Variants in CREM observed in about 807,000 individuals in gnomAD.
CREM encodes the protein cAMP responsive element modulator.
CREM carries 13 observed loss-of-function variants against 37.3 expected under a neutral mutation model. The observed-to-expected ratio is 0.35, with a 90% CI of 0.23 to 0.55. CREM has a LOEUF of 0.55. CREM is among the 20% of genes least tolerant of loss of function. The probability of loss-of-function intolerance (pLI) is 0.88; values close to 1 mark genes in which losing one functional copy is unlikely to be tolerated. For missense variants in CREM, 296 were observed against 362.3 expected (o/e 0.82, Z 1.49); for synonymous variants, 124 against 120.2 (o/e 1.03, Z -0.21).
At chr10:35,208,948 T>C (rs2095602717) in intron 7 of CREM, among the ~76,000 whole-genome samples, 1 of 152,244 alleles carries the variant, frequency 6.6e-6, no homozygotes, top group African/African-American at 2.4e-5. Context: ...GCTTTATTTC[T>C]ACTGTGTGTT....
intron 3 of CREM, chr10:35,158,363 G>A (rs1334034273): frequency 3.0e-5 from 7 of 234,908 alleles, no homozygotes; most frequent in Non-Finnish European, 5.9e-5. Flanking sequence ...GCAGGCTGCT[G>A]AGAAGGTTTC....
At chr10:35,154,968 T>A (rs1333417042) in intron 3 of CREM, among the ~76,000 whole-genome samples, 1 of 152,196 alleles carries the variant, frequency 6.6e-6, no homozygotes, top group Non-Finnish European at 1.5e-5. Context: ...TAAAAGTTTG[T>A]TTTTGGCTTT....
intron 3 of CREM, among the ~76,000 whole-genome samples, chr10:35,164,566 T>G (rs1319883395): frequency 6.6e-6 from 1 of 152,228 alleles, no homozygotes; most frequent in African/African-American, 2.4e-5. Context: ...ACTTTGGGCA[T>G]AAAAATCTAA....
At chr10:35,205,393 A>T (rs2095496196) in intron 6 of CREM, among the ~76,000 whole-genome samples, 1 of 152,232 alleles carries the variant, frequency 6.6e-6, no homozygotes. Context: ...TTCCCCAGAG[A>T]AACTAGGTTT....
intron 5 of CREM, among the ~76,000 whole-genome samples, chr10:35,186,415 C>T (rs11010118): frequency 6.6e-6 from 1 of 151,742 alleles, no homozygotes; most frequent in Non-Finnish European, 1.5e-5. Flanking sequence ...CTATTTGTTG[C>T]CATTAGCTGT....
rs192466316 is a variant in CREM at position 35,204,477 on chromosome 10, G to C, written c.599-2418G>C. Reference sequence around the variant, plus strand: ...TAGCTGGGCATGATGGCGCGTGCCTGTAATCCCAGCTACTCGGGAGGCTGA... The same window carrying C: ...TAGCTGGGCATGATGGCGCGTGCCTCTAATCCCAGCTACTCGGGAGGCTGA... On this transcript the variant is annotated intron_variant, in intron 6 of 7. Transcript: ENST00000685392. Among the ~76,000 whole-genome samples the C allele has an allele frequency of 7.9e-5, 12 of 151,946 alleles. No individual in the cohort carries two copies. In the East Asian group the frequency reaches 2.1e-3, roughly 27 times the overall value.
At chr10:35,134,448 C>A (rs1679460595) in intron 1 of CREM, among the ~76,000 whole-genome samples, 1 of 152,082 alleles carries the variant, frequency 6.6e-6, no homozygotes, top group African/African-American at 2.4e-5. Context: ...AACTCTTGAC[C>A]TCAGGCGATC....
intron 1 of CREM, among the ~76,000 whole-genome samples, chr10:35,134,605 A>G (rs968783279): frequency 9.2e-5 from 14 of 152,182 alleles, no homozygotes; most frequent in Admixed American, 7.2e-4. Flanking sequence ...ATTTTCCAAC[A>G]TTTGCTTTAT....
chr10:35,137,667 A>C, intron 1 of CREM, 115 bp from the exon 2 acceptor site: 1 of 406,994 alleles, frequency 2.5e-6, no homozygotes, highest in Non-Finnish European at 4.3e-6. Flanking sequence ...TATAGAAATT[A>C]GAATATTCTT....
At chr10:35,157,304 G>T (rs1402695473) in intron 3 of CREM, among the ~76,000 whole-genome samples, 3 of 152,132 alleles carry the variant, frequency 2.0e-5, no homozygotes, top group East Asian at 3.9e-4. Flanking sequence ...ATGGGGAAAG[G>T]TTGAAAGCTT....
chr10:35,143,639 A>T (rs949082318), intron 2 of CREM, among the ~76,000 whole-genome samples: 1 of 152,178 alleles, frequency 6.6e-6, no homozygotes, highest in Non-Finnish European at 1.5e-5. Context: ...AAGCTTTTAC[A>T]TCAGGGGCCA....
At chr10:35,202,575 T>C (rs1165499962) in intron 6 of CREM, among the ~76,000 whole-genome samples, 1 of 152,198 alleles carries the variant, frequency 6.6e-6, no homozygotes, top group Non-Finnish European at 1.5e-5. Flanking sequence ...CATATCTTTT[T>C]AAATGTACTT....
Position 35,166,521 on chromosome 10 carries a change from C to T in CREM, c.169-12368C>T, listed in dbSNP as rs887014816. Among the ~76,000 whole-genome samples, 7 of 150,216 alleles carry T rather than the reference C, an allele frequency of 4.7e-5. No homozygotes were observed. In the South Asian group the frequency reaches 8.4e-4, roughly 18 times the overall value. On this transcript the variant is annotated intron_variant, in intron 3 of 7. Transcript: ENST00000685392. ...TGGAGGTTGCGGTGAGCCCAGATCA[C>T]GCCACTTCCCTCCAGCCTGGGCGAC...
chr10:35,195,191 TG>T, intron 6 of CREM: 6 of 1,614,008 alleles, frequency 3.7e-6, no homozygotes, highest in Non-Finnish European at 5.1e-6. Flanking sequence ...AAGCCCATTA[TG>T]GCTGTAACTG....
intron 2 of CREM, among the ~76,000 whole-genome samples, chr10:35,143,268 T>C (rs2091680561): frequency 6.6e-6 from 1 of 152,034 alleles, no homozygotes; most frequent in Non-Finnish European, 1.5e-5. Context: ...CGTGCCGGGC[T>C]GGGAAACAGT....
At chr10:35,151,483 A>C (rs956488673) in intron 3 of CREM, among the ~76,000 whole-genome samples, 6 of 152,068 alleles carry the variant, frequency 3.9e-5, no homozygotes, top group Non-Finnish European at 7.4e-5. Context: ...TCCAATGATT[A>C]TTATGCCTCA....
chr10:35,167,770 A>G, intron 3 of CREM: 1 of 1,614,162 alleles, frequency 6.2e-7, no homozygotes, highest in Non-Finnish European at 8.5e-7. Context: ...GTCCTATAGA[A>G]GAGGATTATT....
At chr10:35,162,524 TA>T (rs1232716207) in intron 3 of CREM, among the ~76,000 whole-genome samples, 2 of 152,226 alleles carry the variant, frequency 1.3e-5, no homozygotes, top group Non-Finnish European at 2.9e-5. Context: ...TTGTACATGA[TA>T]AATGCAATTT....
intron 1 of CREM, among the ~76,000 whole-genome samples, chr10:35,131,451 A>T (rs2089364997): frequency 6.6e-6 from 1 of 152,226 alleles, no homozygotes; most frequent in Non-Finnish European, 1.5e-5. Context: ...ATAGCACAAA[A>T]AATGATTTTT....
Sources: gnomAD v4.1 joint callset for allele counts (sites outside exome capture counted in the v4.1 genomes callset) on GRCh38, gnomAD v4.1.1 for gene constraint, MANE v1.5 for transcripts, NCBI Gene and HGNC (gene_info 2026-07-23, HGNC 2026-07-21) for gene names.